The following CSMD3 variants were observed in gnomAD, a reference collection of about 807,000 sequenced individuals.
The protein encoded by CSMD3 is CUB and Sushi multiple domains 3.
In CSMD3, 177 loss-of-function variants were observed where a neutral mutation model predicts 435.2. The observed-to-expected ratio is 0.41, with a 90% CI of 0.36 to 0.46. CSMD3 has a LOEUF of 0.46. Among genes scored for constraint, CSMD3 ranks in the 20% least tolerant of loss-of-function variants. The pLI is 0.34. For synonymous variants in CSMD3, 1,656 were observed against 1,520.5 expected (o/e 1.09, Z -2.07); for missense variants, 4,265 against 4,504.6 (o/e 0.95, Z 1.52).
chr8:113,355,827 A>C (rs2094222934), intron 1 of CSMD3, among the ~76,000 whole-genome samples: 1 of 143,748 alleles, frequency 7.0e-6, no homozygotes, highest in Non-Finnish European at 1.5e-5. Context: ...TCAACCAAAA[A>C]AATTATAGGA....
At chr8:112,431,779 A>G (rs1264292776) in intron 32 of CSMD3, among the ~76,000 whole-genome samples, 1 of 152,144 alleles carries the variant, frequency 6.6e-6, no homozygotes, top group Non-Finnish European at 1.5e-5. Context: ...CTCTGTGGCA[A>G]TTGTTCATGA....
At chr8:112,983,809 G>C (rs904988009) in intron 6 of CSMD3, among the ~76,000 whole-genome samples, 1 of 151,848 alleles carries the variant, frequency 6.6e-6, no homozygotes, top group Non-Finnish European at 1.5e-5. Context: ...GGTGTGGGTG[G>C]CTAGGAAGGG....
intron 53 of CSMD3, among the ~76,000 whole-genome samples, chr8:112,298,808 A>G (rs1282526903): frequency 1.3e-5 from 2 of 152,174 alleles, no homozygotes; most frequent in Non-Finnish European, 2.9e-5. Flanking sequence ...AGTTGGCTAT[A>G]CCACATGCTG....
chr8:113,359,182 G>A (rs141803192), intron 1 of CSMD3, among the ~76,000 whole-genome samples: 2 of 152,272 alleles, frequency 1.3e-5, no homozygotes, highest in Non-Finnish European at 2.9e-5. Context: ...ACAAGGTACT[G>A]GCGAAGCAAA....
chr8:113,328,684 T>C (rs79774855), intron 1 of CSMD3, among the ~76,000 whole-genome samples: 1,583 of 150,914 alleles, frequency 0.01, 15 homozygotes, highest in Non-Finnish European at 0.017. Context: ...ATTCTAGTAT[T>C]TAAAATACCA....
At chr8:112,563,479 C>A (rs561769652) in intron 24 of CSMD3, among the ~76,000 whole-genome samples, 57 of 151,406 alleles carry the variant, frequency 3.8e-4, no homozygotes, top group African/African-American at 1.2e-3. Context: ...TACTGACAGA[C>A]TTTCCTAAAT....
At chr8:112,571,316 T>C (rs1337266939) in intron 24 of CSMD3, among the ~76,000 whole-genome samples, 2 of 152,026 alleles carry the variant, frequency 1.3e-5, no homozygotes, top group Non-Finnish European at 2.9e-5. Context: ...CAATTAATTG[T>C]TAATTAAGAA....
intron 22 of CSMD3, among the ~76,000 whole-genome samples, chr8:112,608,777 T>C (rs189819566): frequency 2.3e-3 from 349 of 152,130 alleles, no homozygotes; most frequent in African/African-American, 8.0e-3. Flanking sequence ...TAAATGGTGT[T>C]AGAAAAGCTA....
intron 3 of CSMD3, among the ~76,000 whole-genome samples, chr8:113,207,120 C>A (rs192451498): frequency 3.4e-4 from 52 of 152,200 alleles, no homozygotes; most frequent in Middle Eastern, 3.4e-3. Flanking sequence ...TACACTAAAC[C>A]ACTAATTCAT....
chr8:112,488,149 T>C (rs910811516), intron 31 of CSMD3, among the ~76,000 whole-genome samples: 1 of 152,194 alleles, frequency 6.6e-6, no homozygotes, highest in Non-Finnish European at 1.5e-5. Context: ...AATCTCCCAG[T>C]GTCCAACTTA....
intron 1 of CSMD3, among the ~76,000 whole-genome samples, chr8:113,435,824 A>AT (rs1031868585): frequency 6.6e-6 from 1 of 151,940 alleles, no homozygotes; most frequent in African/African-American, 2.4e-5. Flanking sequence ...CTATGGATCT[A>AT]TTTTCTCCCT....
intron 5 of CSMD3, among the ~76,000 whole-genome samples, chr8:113,046,712 A>G (rs1405761213): frequency 6.6e-6 from 1 of 152,156 alleles, no homozygotes; most frequent in Admixed American, 6.5e-5. Flanking sequence ...GTTTTTATTG[A>G]TACAAGGACA....
chr8:112,572,536 T>G (rs1389858739), intron 24 of CSMD3, among the ~76,000 whole-genome samples: 1 of 152,104 alleles, frequency 6.6e-6, no homozygotes, highest in Non-Finnish European at 1.5e-5. Context: ...TACTGTAACC[T>G]TTTTAACTTC....
At chr8:112,726,561 G>GTT (rs2076968744) in intron 13 of CSMD3, among the ~76,000 whole-genome samples, 1 of 151,832 alleles carries the variant, frequency 6.6e-6, no homozygotes, top group East Asian at 1.9e-4. Flanking sequence ...CTAGTATTAA[G>GTT]CAGAGTGTTA....
intron 3 of CSMD3, among the ~76,000 whole-genome samples, chr8:113,247,796 TTAATA>T (rs2093291146): frequency 1.3e-5 from 2 of 152,142 alleles, no homozygotes; most frequent in Admixed American, 6.6e-5. Flanking sequence ...CCTTCTGTTA[TTAATA>T]TAACTTAATT....
At chr8:112,480,837 C>A (rs1182672653) in intron 31 of CSMD3, among the ~76,000 whole-genome samples, 1 of 152,162 alleles carries the variant, frequency 6.6e-6, no homozygotes, top group East Asian at 1.9e-4. Context: ...GACAAATACA[C>A]ATGCTAATAT....
intron 12 of CSMD3, among the ~76,000 whole-genome samples, chr8:112,802,105 A>T (rs939018094): frequency 6.6e-6 from 1 of 151,858 alleles, no homozygotes; most frequent in Non-Finnish European, 1.5e-5. Flanking sequence ...GGTATATGTC[A>T]TCTAAAAATA....
intron 10 of CSMD3, among the ~76,000 whole-genome samples, chr8:112,880,690 T>C (rs913525922): frequency 2.6e-5 from 4 of 151,852 alleles, no homozygotes; most frequent in Admixed American, 6.6e-5. Flanking sequence ...TTCAAGGGGG[T>C]CATATATGAT....
At chr8:113,114,176 C>G (rs1588099126) in intron 4 of CSMD3, among the ~76,000 whole-genome samples, 1 of 152,040 alleles carries the variant, frequency 6.6e-6, no homozygotes, top group Non-Finnish European at 1.5e-5. Context: ...GAGTTAATAA[C>G]AATGTCAAAT....
Sources: allele counts gnomAD v4.1 joint callset (sites outside exome capture counted in the v4.1 genomes callset), GRCh38; gene constraint gnomAD v4.1.1; transcripts MANE v1.5; gene names NCBI Gene and HGNC (gene_info 2026-07-23, HGNC 2026-07-21).